Variants in NUP54 observed in about 807,000 individuals in gnomAD.
The protein encoded by NUP54 is nucleoporin 54, also known as nucleoporin p54.
NUP54 carries 27 observed loss-of-function variants against 66.4 expected under a neutral mutation model. The ratio of observed to expected loss-of-function variants is 0.41; its 90% confidence interval spans 0.30 to 0.56. NUP54 has a LOEUF of 0.56. NUP54 is among the 20% of genes least tolerant of loss of function. The pLI is 0.34. For missense variants in NUP54, 486 were observed against 596.3 expected (o/e 0.82, Z 1.93); for synonymous variants, 206 against 210.7 (o/e 0.98, Z 0.19).
At chr4:76,128,892 T>C (rs1578678018) in intron 8 of NUP54, among the ~76,000 whole-genome samples, 1 of 152,228 alleles carries the variant, frequency 6.6e-6, no homozygotes, top group Non-Finnish European at 1.5e-5. Context: ...GTTGATTTAG[T>C]AGAAGAAAAG....
In NUP54 at chr4:76,124,638, C is replaced by A; in HGVS notation, c.1164+11G>T. On this transcript the variant is annotated intron_variant, in intron 9 of 11. Coordinates refer to ENST00000264883, the MANE Select transcript of NUP54 (RefSeq NM_017426.4). Reference sequence around the variant, plus strand: ...CTTATAAACACTGGGGGGGAAAATCCAAATTACTACCTGTAAAGTTCTATG... The same window carrying A: ...CTTATAAACACTGGGGGGGAAAATCAAAATTACTACCTGTAAAGTTCTATG... The A allele has an allele frequency of 7.2e-7, 1 of 1,392,302 alleles. No individual in the cohort carries two copies. The highest frequency in any genetic ancestry group is 1.0e-6 in the Non-Finnish European group (1 of 986,576). 86.2% of individuals were successfully genotyped at this position (1,392,302 alleles called of 1,614,324 possible). A position where few individuals can be genotyped will look rare whatever the true frequency, so the allele number is the denominator to read the frequency against.
intron 6 of NUP54, among the ~76,000 whole-genome samples, chr4:76,131,508 C>T (rs1730801255): frequency 6.6e-6 from 1 of 151,662 alleles, no homozygotes; most frequent in Non-Finnish European, 1.5e-5. Context: ...ATAGATTAAC[C>T]TCCAGAATAT....
chr4:76,129,940 G>A (rs1730719366), intron 8 of NUP54, among the ~76,000 whole-genome samples: 1 of 110,042 alleles, frequency 9.1e-6, no homozygotes, highest in African/African-American at 3.2e-5. Flanking sequence ...TGACCTTTAA[G>A]AATCTTTAAG....
chr4:76,148,253 G>C (rs1731598774), intron 1 of NUP54, 55 bp downstream of exon 1: 1 of 1,194,356 alleles, frequency 8.4e-7, no homozygotes, highest in Non-Finnish European at 1.1e-6. Flanking sequence ...GGACAGAGGG[G>C]GCGGACCAGA....
At chr4:76,132,117 G>A (rs1015888674) in intron 6 of NUP54, among the ~76,000 whole-genome samples, 2 of 151,816 alleles carry the variant, frequency 1.3e-5, no homozygotes, top group Non-Finnish European at 2.9e-5. Flanking sequence ...TCCGGGGAAA[G>A]GAACTAAAGG....
chr4:76,128,843 A>C (rs931192722), intron 8 of NUP54, among the ~76,000 whole-genome samples: 2 of 152,240 alleles, frequency 1.3e-5, no homozygotes, highest in East Asian at 3.8e-4. Context: ...AGAAAGATAA[A>C]TTCTGCATGT....
chr4:76,125,334 A>ACCCG, intron 8 of NUP54, among the ~76,000 whole-genome samples: 1 of 145,578 alleles, frequency 6.9e-6, no homozygotes, highest in African/African-American at 2.5e-5. Flanking sequence ...ACACACACAC[A>ACCCG]CACACACACA....
intron 3 of NUP54, among the ~76,000 whole-genome samples, chr4:76,142,044 C>T (rs1430655636): frequency 2.6e-5 from 4 of 151,966 alleles, no homozygotes; most frequent in African/African-American, 9.7e-5. Flanking sequence ...GCCTGACATA[C>T]GATATATACA....
intron 3 of NUP54, among the ~76,000 whole-genome samples, chr4:76,140,701 T>C (rs1731233457): frequency 6.6e-6 from 1 of 152,178 alleles, no homozygotes; most frequent in South Asian, 2.1e-4. Flanking sequence ...AAGTTGAAAG[T>C]AGAAATTTCA....
At chr4:76,127,991 C>G (rs1321583706) in intron 8 of NUP54, among the ~76,000 whole-genome samples, 2 of 152,044 alleles carry the variant, frequency 1.3e-5, no homozygotes, top group Non-Finnish European at 2.9e-5. Context: ...ATTTAAAGTA[C>G]CAATAAACTT....
At chr4:76,124,135 G>GT (rs1305994943) in intron 9 of NUP54, among the ~76,000 whole-genome samples, 1 of 151,898 alleles carries the variant, frequency 6.6e-6, no homozygotes, top group African/African-American at 2.4e-5. Flanking sequence ...TTTTATGGCT[G>GT]TAAGTTTTCC....
chr4:76,138,173 G>T (rs1416697955), intron 3 of NUP54, among the ~76,000 whole-genome samples: 2 of 152,084 alleles, frequency 1.3e-5, no homozygotes, highest in Non-Finnish European at 2.9e-5. Context: ...GCAAGAACTG[G>T]ACTAGAACTC....
At position 76,136,404 on chromosome 4, in the gene NUP54, C is replaced by T; in HGVS notation, c.304G>A (p.Gly102Ser). ...GCTTGTGTAGGCTGACTGAAGAGAC[C>T]ACCTAATGCTAAAAATGTACCCAAA... ...TQQQQQTTLG[G>S]LFSQPTQAPT... The change falls in exon 4 of 12, where the codon GGT becomes AGT. Residue 102 changes from glycine (G) to serine (S), a missense_variant. By Grantham distance (56) the Gly-to-Ser change is moderately conservative (BLOSUM62 0). Coordinates refer to ENST00000264883, the MANE Select transcript of NUP54 (RefSeq NM_017426.4). The T allele has an allele frequency of 6.2e-7, 1 of 1,609,392 alleles. No individual in the cohort carries two copies.
intron 3 of NUP54, among the ~76,000 whole-genome samples, chr4:76,143,858 T>TTA (rs934162271): frequency 6.6e-6 from 1 of 152,160 alleles, no homozygotes; most frequent in Non-Finnish European, 1.5e-5. Context: ...CTTTGTAAAC[T>TTA]TATATATAAT....
rs1056029747 is a variant in NUP54, at chr4:76,127,293, G to A, written c.1057-2537C>T. 5.3e-4 allele frequency among the ~76,000 whole-genome samples: 80 copies of A among 151,874 alleles called. 1 individual carries two copies. The highest frequency in any genetic ancestry group is 2.4e-4 in the Non-Finnish European group (16 of 67,974). On this transcript the variant is annotated intron_variant, in intron 8 of 11. Coordinates refer to ENST00000264883, the MANE Select transcript of NUP54 (RefSeq NM_017426.4). ...TAAAAATACAAAAAATTAGCCAGGC[G>A]TGGTGGTGGGCGCCTGTAGTCCTAG...
At chr4:76,135,436 T>C (rs1220789654) in intron 4 of NUP54, among the ~76,000 whole-genome samples, 1 of 152,236 alleles carries the variant, frequency 6.6e-6, no homozygotes, top group Non-Finnish European at 1.5e-5. Context: ...ACTAAATACA[T>C]GTATCAAAAT....
At chr4:76,146,804 A>T (rs551418754) in intron 1 of NUP54, among the ~76,000 whole-genome samples, 1 of 152,238 alleles carries the variant, frequency 6.6e-6, no homozygotes. Context: ...GAAAATCTTC[A>T]TAATTATCTT....
At position 76,124,775 on chromosome 4, in the gene NUP54, G is replaced by A. The variant is rs767411285; in HGVS notation, c.1057-19C>T. On this transcript the variant is annotated intron_variant, in intron 8 of 11. Coordinates refer to ENST00000264883, the MANE Select transcript of NUP54 (RefSeq NM_017426.4). Reference sequence around the variant, plus strand: ...ATATGATCTGTTTAAAAAAAAATTGGGGGGGGGAGGGTTAATCAAATATCA... The same window carrying A: ...ATATGATCTGTTTAAAAAAAAATTGAGGGGGGGAGGGTTAATCAAATATCA... 6.9e-6 allele frequency: 5 copies of A among 723,486 alleles called. No individual in the cohort carries two copies. Among genetic ancestry groups the A allele is most frequent in the Admixed American group, 2.3e-5 (1 of 43,432 alleles). 44.8% of individuals were successfully genotyped at this position (723,486 alleles called of 1,614,324 possible).
intron 9 of NUP54, among the ~76,000 whole-genome samples, chr4:76,122,278 T>G (rs754840075): frequency 2.6e-5 from 4 of 152,220 alleles, no homozygotes; most frequent in Admixed American, 6.5e-5. Flanking sequence ...TTGGTCCGAT[T>G]TGAGGTATAC....
Sources: gnomAD v4.1 joint callset for allele counts (sites outside exome capture counted in the v4.1 genomes callset) on GRCh38, gnomAD v4.1.1 for gene constraint, MANE v1.5 for transcripts, NCBI Gene and HGNC (gene_info 2026-07-23, HGNC 2026-07-21) for gene names.